ITGA8: variants seen among roughly 807,000 people sequenced by gnomAD.
ITGA8 encodes the protein integrin alpha-8.
ITGA8 carries 91 observed loss-of-function variants against 142.3 expected under a neutral mutation model. That is an observed-to-expected ratio of 0.64 (90% CI 0.54 to 0.76). The LOEUF is 0.76. Ranked by LOEUF, ITGA8 falls within the 30% of genes least tolerant of loss-of-function variation. The pLI is 0.00. For synonymous variants in ITGA8, 505 were observed against 485.2 expected (o/e 1.04, Z -0.54); for missense variants, 1,406 against 1,327.7 (o/e 1.06, Z -0.92).
chr10:15,660,989 T>G, intron 8 of ITGA8, 67 bp from the exon 9 acceptor site: 1 of 1,342,736 alleles, frequency 7.4e-7, no homozygotes, highest in Non-Finnish European at 1.1e-6. Context: ...ACACACGCCA[T>G]ATACTAAAAG....
intron 13 of ITGA8, among the ~76,000 whole-genome samples, chr10:15,636,766 A>G (rs953103483): frequency 6.6e-6 from 1 of 152,218 alleles, no homozygotes; most frequent in Non-Finnish European, 1.5e-5. Context: ...GCCAAATTTA[A>G]ATGAATTTAA....
chr10:15,583,873 C>T (rs1055968951), intron 23 of ITGA8, among the ~76,000 whole-genome samples: 13 of 152,016 alleles, frequency 8.6e-5, no homozygotes, highest in African/African-American at 3.1e-4. Context: ...TTCAAAAACC[C>T]CACAAACTCC....
At chr10:15,556,442 G>A (rs1332070594) in intron 26 of ITGA8, among the ~76,000 whole-genome samples, 1 of 152,150 alleles carries the variant, frequency 6.6e-6, no homozygotes, top group Non-Finnish European at 1.5e-5. Flanking sequence ...CTGAACTGCA[G>A]CTATGGGGCA....
intron 22 of ITGA8, among the ~76,000 whole-genome samples, chr10:15,587,688 C>G (rs902313168): frequency 6.6e-6 from 1 of 150,392 alleles, no homozygotes; most frequent in Non-Finnish European, 1.5e-5. Flanking sequence ...TAGGAGATGA[C>G]ATGGATATTT....
intron 27 of ITGA8, among the ~76,000 whole-genome samples, chr10:15,532,061 T>C (rs1157240465): frequency 6.6e-6 from 1 of 152,002 alleles, no homozygotes; most frequent in African/African-American, 2.4e-5. Flanking sequence ...GGGCCTGTCC[T>C]CTGCATTGTA....
chr10:15,718,561 C>A lies in ITGA8; in HGVS notation c.343+205G>T, dbSNP rs144923339. On this transcript the variant is annotated intron_variant, in intron 2 of 29. Coordinates refer to ENST00000378076, the MANE Select transcript of ITGA8 (RefSeq NM_003638.3). The stretch of plus-strand genomic sequence containing the variant: ...GAACACTCAGGGTCAAAATAGTGTC[C>A]TTTCTCTAGGGTTCACTAAACGTCT... 1.3e-3 allele frequency among the ~76,000 whole-genome samples: 197 copies of A among 152,300 alleles called. 1 individual carries two copies. The highest frequency in any genetic ancestry group is 4.5e-3 in the African/African-American group (188 of 41,552).
chr10:15,592,685 G>A (rs1444125061), intron 21 of ITGA8, among the ~76,000 whole-genome samples: 3 of 152,160 alleles, frequency 2.0e-5, no homozygotes, highest in African/African-American at 7.2e-5. Flanking sequence ...GCTCACTGCA[G>A]CCTCAACTTC....
At chr10:15,666,380 C>G (rs889078539) in intron 8 of ITGA8, among the ~76,000 whole-genome samples, 2 of 152,160 alleles carry the variant, frequency 1.3e-5, no homozygotes, top group Non-Finnish European at 2.9e-5. Flanking sequence ...TGTCCTGAGA[C>G]TTTGCTGAAG....
chr10:15,535,924 G>A (rs1301766001), intron 27 of ITGA8, among the ~76,000 whole-genome samples: 1 of 151,888 alleles, frequency 6.6e-6, no homozygotes, highest in African/African-American at 2.4e-5. Context: ...CACTCCTGAA[G>A]CCAACCAGAC....
chr10:15,533,666 G>C (rs969868067), intron 27 of ITGA8, among the ~76,000 whole-genome samples: 1 of 152,106 alleles, frequency 6.6e-6, no homozygotes, highest in Non-Finnish European at 1.5e-5. Context: ...TCATGTCTTT[G>C]ATAAATAGTT....
intron 27 of ITGA8, among the ~76,000 whole-genome samples, chr10:15,534,733 C>T (rs1345864164): frequency 6.6e-6 from 1 of 152,250 alleles, no homozygotes; most frequent in Non-Finnish European, 1.5e-5. Flanking sequence ...CTCTCACCTC[C>T]TCAATCTAAT....
chr10:15,538,585 A>G (rs1196308563), intron 27 of ITGA8, among the ~76,000 whole-genome samples: 2 of 151,810 alleles, frequency 1.3e-5, no homozygotes, highest in Non-Finnish European at 2.9e-5. Context: ...TTAGAAAAGC[A>G]GAATCTAATT....
intron 2 of ITGA8, among the ~76,000 whole-genome samples, chr10:15,690,953 A>G (rs1217127509): frequency 1.3e-5 from 2 of 152,232 alleles, no homozygotes; most frequent in African/African-American, 2.4e-5. Flanking sequence ...CTATACGTAC[A>G]TAAGGGGCTA....
chr10:15,600,024 A>G (rs936295918), intron 20 of ITGA8, among the ~76,000 whole-genome samples: 2 of 152,260 alleles, frequency 1.3e-5, no homozygotes, highest in Non-Finnish European at 2.9e-5. Context: ...AACCTTGCGC[A>G]TGTTACTTAA....
intron 25 of ITGA8, among the ~76,000 whole-genome samples, chr10:15,559,737 AC>A (rs1833942466): frequency 6.8e-6 from 1 of 147,942 alleles, no homozygotes; most frequent in South Asian, 2.2e-4. Context: ...AAAACCAAAC[AC>A]TGCATGTTCT....
intron 20 of ITGA8, 129 bp downstream of exon 20, chr10:15,604,079 A>T: frequency 1.2e-6 from 1 of 811,286 alleles, no homozygotes; most frequent in Non-Finnish European, 2.0e-6. Flanking sequence ...TTATGATTTA[A>T]CAAAAGAAGG....
At chr10:15,624,973 T>C (rs1244954182) in intron 13 of ITGA8, among the ~76,000 whole-genome samples, 1 of 152,216 alleles carries the variant, frequency 6.6e-6, no homozygotes, top group Non-Finnish European at 1.5e-5. Context: ...CTCCTTGACT[T>C]TGGCAAACGT....
intron 10 of ITGA8, among the ~76,000 whole-genome samples, chr10:15,658,528 C>A (rs1834228300): frequency 6.6e-6 from 1 of 152,038 alleles, no homozygotes; most frequent in Admixed American, 6.6e-5. Flanking sequence ...ACATGTCTGG[C>A]TGGTTCTTGT....
chr10:15,618,877 T>C (rs1588678921), intron 13 of ITGA8, among the ~76,000 whole-genome samples: 2 of 152,224 alleles, frequency 1.3e-5, no homozygotes, highest in South Asian at 4.1e-4. Flanking sequence ...CCCCTTTATA[T>C]GTTCAGCAAT....
Sources: allele counts gnomAD v4.1 joint callset (sites outside exome capture counted in the v4.1 genomes callset), GRCh38; gene constraint gnomAD v4.1.1; transcripts MANE v1.5; gene names NCBI Gene and HGNC (gene_info 2026-07-23, HGNC 2026-07-21).